JMJD4: variants seen among roughly 807,000 people sequenced by gnomAD.
JMJD4 encodes 2-oxoglutarate and iron-dependent oxygenase JMJD4.
A neutral mutation model predicts 36.3 loss-of-function variants in JMJD4; 34 were observed. The ratio of observed to expected loss-of-function variants is 0.94; its 90% CI spans 0.71 to 1.25. JMJD4 has a LOEUF of 1.25. JMJD4 is among the 50% of genes most tolerant of loss of function. The probability of loss-of-function intolerance (pLI) is 0.00; values close to 1 mark genes in which losing one functional copy is unlikely to be tolerated. For synonymous variants in JMJD4, 269 were observed against 235.3 expected (o/e 1.14, Z -1.31); for missense variants, 584 against 559.1 (o/e 1.04, Z -0.45).
In JMJD4 at chr1:227,734,580, C is replaced by T. The variant is rs1660933065; in HGVS notation, c.428+71G>A. 3 of 1,497,376 alleles carry T rather than the reference C, an allele frequency of 2.0e-6. No individual in the cohort carries two copies. The Admixed American group carries it at 5.3e-5, about 26-fold the overall frequency. The allele number at this position is 1,497,376 out of a possible 1,614,324, so 92.8% of individuals were successfully genotyped here. A position where few individuals can be genotyped will look rare whatever the true frequency, so the allele number is the denominator to read the frequency against. On this transcript the variant is annotated intron_variant, in intron 2 of 5. Transcript: ENST00000620518. ...CCGTTGTGCACCCAGGGGCCACCTT[C>T]ATCAGAAAGGCCTCTGGGTTCACGC...
Position 227,732,503 on chromosome 1 carries a change from G to A in JMJD4, c.1143C>T (p.Ser381=). The A allele has an allele frequency of 6.2e-7, 1 of 1,613,398 alleles. No individual in the cohort carries two copies. The highest frequency in any genetic ancestry group is 8.5e-7 in the Non-Finnish European group (1 of 1,180,028). ...DVGRITEVLA[S]LVAHPDFQRV... is the part of the protein sequence containing the mutation. ...TCTGGAAGTCGGGGTGCGCAACCAA[G>A]GAGGCCAGCACCTCTGTGATGCGCC... Residue 381 remains serine (S), a synonymous_variant, in exon 6 of 6, where the codon TCC becomes TCT. Coordinates refer to ENST00000620518, the MANE Select transcript of JMJD4 (RefSeq NM_023007.3).
rs1660690113 is a variant in JMJD4, at chr1:227,732,137, G to A, written c.*255C>T. The A allele has an allele frequency of 1.7e-6, 1 of 572,148 alleles. No homozygotes were observed. The highest frequency in any genetic ancestry group is 3.1e-6 in the Non-Finnish European group (1 of 320,526). The allele number at this position is 572,148 out of a possible 1,614,324, so 35.4% of individuals were successfully genotyped here. ...CTAAGGAGGCAGGGCCCCCAAAAGA[G>A]CCAGGTCCTGGCACCATCTCCGAGC... On this transcript the variant is annotated 3_prime_UTR_variant, in exon 6 of 6. Transcript: ENST00000620518.
Position 227,731,869 on chromosome 1 carries a change from CA to C in JMJD4, c.*522del. On this transcript the variant is annotated 3_prime_UTR_variant, in exon 6 of 6. Coordinates refer to ENST00000620518, the MANE Select transcript of JMJD4 (RefSeq NM_023007.3). ...AACCCAGCCCTCCACTCTGGGTACC[CA>C]GAGGAAGGCGCAGGCCGCTGGTTCC... is the stretch of plus-strand genomic sequence containing the variant. 1 of 159,568 alleles carries C rather than the reference CA, an allele frequency of 6.3e-6. No individual in the cohort carries two copies. Among genetic ancestry groups the C allele is most frequent in the Non-Finnish European group, 1.4e-5 (1 of 71,774 alleles). The allele number at this position is 159,568 out of a possible 1,614,324, so 9.9% of individuals were successfully genotyped here. A position where few individuals can be genotyped will look rare whatever the true frequency, so the allele number is the denominator to read the frequency against.
Position 227,732,360 on chromosome 1 carries a change from T to C in JMJD4, c.*32A>G, listed in dbSNP as rs1060295. The C allele has an allele frequency of 2.5e-6, 4 of 1,602,062 alleles. No homozygotes were observed. Among genetic ancestry groups the C allele is most frequent in the Middle Eastern group, 4.4e-4 (2 of 4,546 alleles). ...GCCCCGGAGCAGGAGGCTGCCTCTC[T>C]TCCACCCGTCCTTCTATCCTCACGA... is the stretch of plus-strand genomic sequence containing the variant. On this transcript the variant is annotated 3_prime_UTR_variant, in exon 6 of 6. Transcript: ENST00000620518.
At position 227,732,177 on chromosome 1, in the gene JMJD4, C is replaced by T. The variant is rs1009207881; in HGVS notation, c.*215G>A. 3.1e-4 allele frequency: 186 copies of T among 607,866 alleles called. 1 individual carries two copies. In the East Asian group the frequency reaches 4.3e-3, roughly 14 times the overall value. 37.7% of individuals were successfully genotyped at this position (607,866 alleles called of 1,614,324 possible). A position where few individuals can be genotyped will look rare whatever the true frequency, so the allele number is the denominator to read the frequency against. ...CATCTCCGAGCTCCCAGCAGGCCTG[C>T]TGCAGGTCAGAAGGGCCACATCCCA... On this transcript the variant is annotated 3_prime_UTR_variant, in exon 6 of 6. Transcript: ENST00000620518.
chr1:227,732,810 C>T (rs1185908867), intron 5 of JMJD4, 71 bp downstream of exon 5: 29 of 1,599,644 alleles, frequency 1.8e-5, no homozygotes, highest in African/African-American at 2.7e-5. Context: ...TGCGCGGTGA[C>T]CAAGGGAGTC....
In JMJD4 at chr1:227,734,808, C is replaced by G. The variant is rs745399612; in HGVS notation, c.271G>C (p.Val91Leu). 1 of 1,613,894 alleles carries G rather than the reference C, an allele frequency of 6.2e-7. No individual in the cohort carries two copies. Among genetic ancestry groups the G allele is most frequent in the Non-Finnish European group, 8.5e-7 (1 of 1,180,022 alleles). ...DHLLRTYGDV[V>L]VPVANCGVQE... is the part of the protein sequence containing the mutation. The stretch of plus-strand genomic sequence containing the variant: ...ACCCCACAGTTTGCAACTGGTACAA[C>G]CACGTCTCCTGAAATGAAAGGCACG... Residue 91 changes from valine to leucine, a missense_variant, in exon 2 of 6, where the codon GTT becomes CTT. Physicochemically the swap from Val to Leu is conservative, Grantham distance 32. Coordinates refer to ENST00000620518, the MANE Select transcript of JMJD4 (RefSeq NM_023007.3).
chr1:227,734,790 A>G lies in JMJD4; in HGVS notation c.289T>C (p.Cys97Arg). Residue 97 changes from cysteine to arginine, a missense_variant, in exon 2 of 6, where the codon TGT becomes CGT. Transcript: ENST00000620518. ...YGDVVVPVAN[C>R]GVQEYNSNPK... is the part of the protein sequence containing the mutation. ...TTCGAGTTGTATTCCTGGACCCCACAGTTTGCAACTGGTACAACCACGTCT... is the reference window on the plus strand; with the variant it reads ...TTCGAGTTGTATTCCTGGACCCCACGGTTTGCAACTGGTACAACCACGTCT... The G allele has an allele frequency of 6.2e-7, 1 of 1,614,026 alleles. No homozygotes were observed. Among genetic ancestry groups the G allele is most frequent in the South Asian group, 1.1e-5 (1 of 91,084 alleles).
In JMJD4 at chr1:227,732,462, G is replaced by A. The variant is rs370895087; in HGVS notation, c.1184C>T (p.Ala395Val). 1.9e-5 allele frequency: 30 copies of A among 1,613,170 alleles called. No homozygotes were observed. In the South Asian group the frequency reaches 2.0e-4, roughly 11 times the overall value. ...HPDFQRVDTS[A>V]FSPQPKELLQ... Reference sequence around the variant, plus strand: ...CAGCTCTTTGGGCTGTGGTGAGAACGCGCTGGTGTCCACTCTCTGGAAGTC... The same window carrying A: ...CAGCTCTTTGGGCTGTGGTGAGAACACGCTGGTGTCCACTCTCTGGAAGTC... Residue 395 changes from alanine to valine, a missense_variant, in exon 6 of 6, where the codon GCG becomes GTG. Ala to Val is a moderately conservative substitution (Grantham distance 64). Transcript: ENST00000620518.
In JMJD4 at chr1:227,734,776, T is replaced by C. The variant is rs376321647; in HGVS notation, c.303A>G (p.Glu101=). The change falls in exon 2 of 6, where the codon GAA becomes GAG. Residue 101 remains glutamate (E), a synonymous_variant. Transcript: ENST00000620518. ...VVPVANCGVQ[E]YNSNPKEHMT... The stretch of plus-strand genomic sequence containing the variant: ...TGTGCTCTTTGGGGTTCGAGTTGTA[T>C]TCCTGGACCCCACAGTTTGCAACTG... The C allele has an allele frequency of 4.2e-5, 67 of 1,613,998 alleles. No homozygotes were observed. The highest frequency in any genetic ancestry group is 5.4e-5 in the Non-Finnish European group (64 of 1,180,020).
rs200460718 is a variant in JMJD4, at chr1:227,734,784, C to A, written c.295G>T (p.Val99Phe). 6.5e-4 allele frequency: 1,056 copies of A among 1,613,950 alleles called. 1 individual carries two copies. The highest frequency in any genetic ancestry group is 8.5e-4 in the Non-Finnish European group (1,005 of 1,180,012). The change falls in exon 2 of 6, where the codon GTC (valine) becomes TTC (phenylalanine). Residue 99 changes from valine to phenylalanine, a missense_variant. Val to Phe is a conservative substitution (Grantham distance 50). Transcript: ENST00000620518. Reference protein sequence around the residue: ...DVVVPVANCGVQEYNSNPKEH... With the variant: ...DVVVPVANCGFQEYNSNPKEH... Reference sequence around the variant, plus strand: ...TTGGGGTTCGAGTTGTATTCCTGGACCCCACAGTTTGCAACTGGTACAACC... The same window carrying A: ...TTGGGGTTCGAGTTGTATTCCTGGAACCCACAGTTTGCAACTGGTACAACC...
rs34226061 is a variant in JMJD4, at chr1:227,734,711, A to C, written c.368T>G (p.Ile123Arg). The change falls in exon 2 of 6, where the codon ATA becomes AGA. Residue 123 changes from isoleucine to arginine, a missense_variant. Transcript: ENST00000620518. ...RDYITYWKEY[I>R]QAGYSSPRGC... is the part of the protein sequence containing the mutation. Reference sequence around the variant, plus strand: ...CCTGGGAGAGGAGTAGCCCGCCTGTATGTACTCTTTCCAGTAGGTGATGTA... The same window carrying C: ...CCTGGGAGAGGAGTAGCCCGCCTGTCTGTACTCTTTCCAGTAGGTGATGTA... 5.0e-5 allele frequency: 80 copies of C among 1,614,008 alleles called. No homozygotes were observed. The highest frequency in any genetic ancestry group is 6.7e-5 in the Non-Finnish European group (79 of 1,180,020).
rs1190805142 is a variant in JMJD4, at chr1:227,733,668, C to G, written c.568G>C (p.Ala190Pro). 2 of 1,600,936 alleles carry G rather than the reference C, an allele frequency of 1.2e-6. No individual in the cohort carries two copies. The highest frequency in any genetic ancestry group is 1.7e-6 in the Non-Finnish European group (2 of 1,179,844). The stretch of plus-strand genomic sequence containing the variant: ...CAGCTGAAGGAGCGGAAGATGTCAG[C>G]ATGGAACGGGGACCTGCGGCAGCAA... ...GPAGSWSPFH[A>P]DIFRSFSWSV... Residue 190 changes from alanine to proline, a missense_variant, in exon 4 of 6, where the codon GCT becomes CCT. Coordinates refer to ENST00000620518, the MANE Select transcript of JMJD4 (RefSeq NM_023007.3).
chr1:227,734,289 A>T (rs186098333), intron 2 of JMJD4: 118 of 372,862 alleles, frequency 3.2e-4, no homozygotes, highest in African/African-American at 2.6e-3. Context: ...GCTGAGGTGG[A>T]TGCATCACCT....
chr1:227,734,481 A>G, intron 2 of JMJD4, 170 bp downstream of exon 2: 1 of 590,014 alleles, frequency 1.7e-6, no homozygotes, highest in Non-Finnish European at 2.9e-6. Context: ...CCCAAAGAAC[A>G]ACACTTGCAG....
rs75149861 is a variant in JMJD4 at position 227,732,652 on chromosome 1, T to C, written c.994A>G (p.Ile332Val). The C allele has an allele frequency of 1.2e-5, 19 of 1,613,244 alleles. No homozygotes were observed. In the East Asian group the frequency reaches 4.2e-4, roughly 36 times the overall value. The change falls in exon 6 of 6, where the codon ATC (isoleucine) becomes GTC (valine). Residue 332 changes from isoleucine to valine, a missense_variant. By Grantham distance (29) the Ile-to-Val change is conservative. Coordinates refer to ENST00000620518, the MANE Select transcript of JMJD4 (RefSeq NM_023007.3). ...AAGTGGTAAAACTCTTCAAAGTTGA[T>C]GCCCGAGCAGGACCTCATGATGACC... ...CQVIMRSCSG[I>V]NFEEFYHFLK...
chr1:227,735,227 A>G lies in JMJD4; in HGVS notation c.47T>C (p.Leu16Pro), dbSNP rs1406622086. The change falls in exon 1 of 6, where the codon CTG (leucine) becomes CCG (proline). Residue 16 changes from leucine to proline, a missense_variant. Leu to Pro is a moderately conservative substitution (Grantham distance 98). Coordinates refer to ENST00000620518, the MANE Select transcript of JMJD4 (RefSeq NM_023007.3). ...GCCGACGCCGGGGACATCGACCCCC[A>G]GGCCTCGGAAGTGGCTGTCGGCGAG... ...RALADSHFRG[L>P]GVDVPGVGQA... 6.3e-7 allele frequency: 1 copy of G among 1,596,250 alleles called. No homozygotes were observed. The highest frequency in any genetic ancestry group is 8.5e-7 in the Non-Finnish European group (1 of 1,172,184).
At position 227,733,898 on chromosome 1, in the gene JMJD4, T is replaced by C. The variant is rs1660858606; in HGVS notation, c.554+9A>G. ...CCTTCGGGTTCCACTCCCACATCCG[T>C]GGCCTCACCAGCTGCCCGCAGGCCC... On this transcript the variant is annotated intron_variant, in intron 3 of 5. Coordinates refer to ENST00000620518, the MANE Select transcript of JMJD4 (RefSeq NM_023007.3). 2.5e-6 allele frequency: 4 copies of C among 1,613,044 alleles called. No homozygotes were observed. The Admixed American group carries it at 5.0e-5, about 20-fold the overall frequency.
At chr1:227,734,927 G>C in intron 1 of JMJD4, 85 bp downstream of exon 1, 3 of 1,523,778 alleles carry the variant, frequency 2.0e-6, no homozygotes, top group African/African-American at 1.4e-5. Context: ...CACCCTCCCT[G>C]GTGCCCCTCT....
Sources: allele counts gnomAD v4.1 joint callset, GRCh38; gene constraint gnomAD v4.1.1; transcripts MANE v1.5; gene names NCBI Gene and HGNC (gene_info 2026-07-23, HGNC 2026-07-21).